The following PSME4 variants were observed in gnomAD, a reference collection of about 807,000 sequenced individuals.
PSME4 encodes proteasome activator subunit 4, also known as proteasome activator complex subunit 4.
PSME4 carries 89 observed loss-of-function variants against 253.9 expected under a neutral mutation model. The observed-to-expected ratio is 0.35, with a 90% confidence interval of 0.30 to 0.42. The LOEUF is 0.42. PSME4 is among the 10% of genes least tolerant of loss of function. The pLI is 1.00. For missense variants in PSME4, 2,014 were observed against 2,195.2 expected, an observed-to-expected ratio of 0.92 and a Z score of 1.65; for synonymous variants, 851 against 759.2, an observed-to-expected ratio of 1.12 and a Z score of -1.99.
chr2:53,868,583 A>T (rs1371649116), intron 44 of PSME4, among the ~76,000 whole-genome samples: 1 of 134,128 alleles, frequency 7.5e-6, no homozygotes, highest in Admixed American at 8.3e-5. Context: ...TATAAAATAT[A>T]TTTATAATAT....
chr2:53,970,841 C>G lies in PSME4; in HGVS notation c.-57G>C. On this transcript the variant is annotated 5_prime_UTR_variant, in exon 1 of 47. Coordinates refer to ENST00000404125, the MANE Select transcript of PSME4 (RefSeq NM_014614.3). ...ACCCGAACCCTCCCCGGCCCCCACC[C>G]CTCTCCGGGCTCCGCCTCCTCCGCG... is the stretch of plus-strand genomic sequence containing the variant. The G allele has an allele frequency of 7.4e-7, 1 of 1,356,082 alleles. No homozygotes were observed. Among genetic ancestry groups the G allele is most frequent in the Non-Finnish European group, 9.7e-7 (1 of 1,035,554 alleles). 84.0% of individuals were successfully genotyped at this position (1,356,082 alleles called of 1,614,324 possible).
intron 1 of PSME4, among the ~76,000 whole-genome samples, chr2:53,961,024 T>C (rs1237563223): frequency 6.6e-6 from 1 of 152,096 alleles, no homozygotes; most frequent in East Asian, 1.9e-4. Flanking sequence ...GGAGAATCGC[T>C]TGAACCTGGG....
At chr2:53,869,646 T>G in intron 43 of PSME4, 108 bp from the exon 44 acceptor site, 1 of 871,852 alleles carries the variant, frequency 1.1e-6, no homozygotes, top group Non-Finnish European at 1.6e-6. Flanking sequence ...TGAAATTGCA[T>G]GCAAATTTTG....
At chr2:53,935,226 T>C (rs575073343) in intron 7 of PSME4, among the ~76,000 whole-genome samples, 58 of 152,342 alleles carry the variant, frequency 3.8e-4, no homozygotes, top group African/African-American at 1.3e-3. Flanking sequence ...AGTCAATCAC[T>C]TAACAATTAT....
At chr2:53,914,203 T>G (rs1667955650) in intron 20 of PSME4, among the ~76,000 whole-genome samples, 1 of 152,200 alleles carries the variant, frequency 6.6e-6, no homozygotes, top group Non-Finnish European at 1.5e-5. Flanking sequence ...GTTAGTTTTT[T>G]GCATCCTGTG....
chr2:53,874,267 C>CTT (rs1205103262), intron 43 of PSME4, 72 bp downstream of exon 43: 2 of 1,452,532 alleles, frequency 1.4e-6, no homozygotes, highest in East Asian at 4.5e-5. Flanking sequence ...GCCGCAAATA[C>CTT]TTATTAAAAA....
chr2:53,898,369 T>A lies in PSME4; in HGVS notation c.3423-15A>T, dbSNP rs768498070. 1.9e-6 allele frequency: 3 copies of A among 1,573,660 alleles called. No homozygotes were observed. The highest frequency in any genetic ancestry group is 1.8e-5 in the Admixed American group (1 of 57,036). On this transcript the variant is annotated splice_polypyrimidine_tract_variant and intron_variant, in intron 29 of 46. Transcript: ENST00000404125. ...TTTCATAGTTCCTTTAAAAAAAAGG[T>A]GAGGTATTATTTTACTATAATACTA...
In PSME4 at chr2:53,904,030, A is replaced by G. The variant is rs755139870; in HGVS notation, c.3070T>C (p.Phe1024Leu). 2 of 1,606,174 alleles carry G rather than the reference A, an allele frequency of 1.2e-6. No homozygotes were observed. The highest frequency in any genetic ancestry group is 2.2e-5 in the South Asian group (2 of 89,360). The change falls in exon 27 of 47, where the codon TTC becomes CTC. Residue 1024 changes from phenylalanine to leucine, a missense_variant. Physicochemically the swap from Phe to Leu is conservative, Grantham distance 22. Transcript: ENST00000404125. Reference sequence around the variant, plus strand: ...ATAGGAAAAAAACCCTATACCTTGAATTGTTGCTGTGTAACACCTTGTCTA... The same window carrying G: ...ATAGGAAAAAAACCCTATACCTTGAGTTGTTGCTGTGTAACACCTTGTCTA... ...PDRQGVTQQQ[F>L]KGALYCLLGN... is the part of the protein sequence containing the mutation.
At chr2:53,955,453 T>C (rs767516766) in intron 1 of PSME4, among the ~76,000 whole-genome samples, 1 of 152,176 alleles carries the variant, frequency 6.6e-6, no homozygotes, top group Non-Finnish European at 1.5e-5. Flanking sequence ...TCTTCCAATG[T>C]GGGCCAGGGA....
rs114770850 is a variant in PSME4, at chr2:53,868,868, T to C, written c.5263+508A>G. 4.6e-3 allele frequency among the ~76,000 whole-genome samples: 699 copies of C among 152,084 alleles called. 5 individuals carry two copies. The highest frequency in any genetic ancestry group is 0.016 in the African/African-American group (675 of 41,506). On this transcript the variant is annotated intron_variant, in intron 44 of 46. Coordinates refer to ENST00000404125, the MANE Select transcript of PSME4 (RefSeq NM_014614.3). ...ACATTTCTTTTTAAACATGACATAG[T>C]AGTCAGATCTTATTCTCGTGTTTAT...
intron 26 of PSME4, among the ~76,000 whole-genome samples, chr2:53,904,397 G>A (rs919957933): frequency 6.6e-5 from 10 of 152,188 alleles, no homozygotes; most frequent in African/African-American, 2.2e-4. Context: ...GTTTGATAAA[G>A]GGGAGACTGA....
chr2:53,953,207 A>G (rs1003668861), intron 1 of PSME4, among the ~76,000 whole-genome samples: 1 of 152,180 alleles, frequency 6.6e-6, no homozygotes, highest in African/African-American at 2.4e-5. Flanking sequence ...CAAAAGTTCT[A>G]ACTATAAAAA....
intron 10 of PSME4, 142 bp from the exon 11 acceptor site, chr2:53,928,445 T>C (rs2104457153): frequency 1.5e-6 from 1 of 668,432 alleles, no homozygotes; most frequent in Admixed American, 3.0e-5. Flanking sequence ...AAATCTGCAA[T>C]CAAAGTTAAC....
In PSME4 at chr2:53,901,470, C is replaced by T. The variant is rs1201639480; in HGVS notation, c.3165G>A (p.Ala1055=). 1.5e-5 allele frequency: 24 copies of T among 1,613,846 alleles called. No homozygotes were observed. The highest frequency in any genetic ancestry group is 2.7e-5 in the African/African-American group (2 of 74,876). Residue 1055 remains alanine (A), a synonymous_variant, in exon 28 of 47, where the codon GCG becomes GCA. Coordinates refer to ENST00000404125, the MANE Select transcript of PSME4 (RefSeq NM_014614.3). ...CTTGGCTAAGCCCTGAAGAAACAAT[C>T]GCTGGCCACGTCTGTACAATACAGT... is the stretch of plus-strand genomic sequence containing the variant. ...DWDCIVQTWP[A]IVSSGLSQAM...
intron 38 of PSME4, chr2:53,888,245 T>C (rs1558654198): frequency 6.6e-6 from 2 of 304,510 alleles, no homozygotes; most frequent in Non-Finnish European, 1.2e-5. Context: ...CACTGACTAA[T>C]ATTTAAACAT....
chr2:53,893,332 C>T (rs1272677275), intron 35 of PSME4, among the ~76,000 whole-genome samples: 1 of 151,862 alleles, frequency 6.6e-6, no homozygotes, highest in African/African-American at 2.4e-5. Context: ...AGATCCCCAC[C>T]CCAAAATACC....
intron 6 of PSME4, 110 bp from the exon 7 acceptor site, chr2:53,936,271 C>G (rs1669111886): frequency 1.4e-6 from 2 of 1,439,496 alleles, no homozygotes; most frequent in South Asian, 3.2e-5. Context: ...GTGCAATCTA[C>G]TTAAATAGAT....
chr2:53,945,399 C>T (rs1411608184), intron 3 of PSME4, among the ~76,000 whole-genome samples: 1 of 152,110 alleles, frequency 6.6e-6, no homozygotes, highest in Non-Finnish European at 1.5e-5. Flanking sequence ...AAAAACACTA[C>T]CAATTCTTTC....
intron 13 of PSME4, 42 bp downstream of exon 13, chr2:53,925,917 T>C: frequency 6.4e-7 from 1 of 1,558,540 alleles, no homozygotes; most frequent in Non-Finnish European, 8.8e-7. Flanking sequence ...AGAGTCATTT[T>C]CTAGAATTTC....
Sources: gnomAD v4.1 joint callset for allele counts (sites outside exome capture counted in the v4.1 genomes callset) on GRCh38, gnomAD v4.1.1 for gene constraint, MANE v1.5 for transcripts, NCBI Gene and HGNC (gene_info 2026-07-23, HGNC 2026-07-21) for gene names.